RAB27A: variants seen among roughly 807,000 people sequenced by gnomAD.
The protein encoded by RAB27A is ras-related protein Rab-27A.
In RAB27A, 17 loss-of-function variants were observed where a neutral mutation model predicts 20.8. The observed-to-expected ratio is 0.82, with a 90% CI of 0.56 to 1.23. The LOEUF (loss-of-function observed/expected upper bound fraction) is 1.23. Among genes scored for constraint, RAB27A ranks in the 50% most tolerant of loss-of-function variants. The pLI is 0.00. For missense variants in RAB27A, 277 were observed against 266.7 expected (o/e 1.04, Z -0.27); for synonymous variants, 85 against 92.8 (o/e 0.92, Z 0.48).
chr15:55,229,259 T>C (rs1431047327), intron 4 of RAB27A, among the ~76,000 whole-genome samples: 4 of 152,120 alleles, frequency 2.6e-5, no homozygotes, highest in African/African-American at 7.2e-5. Context: ...CCTCTCGTCT[T>C]TGCCTATATG....
At chr15:55,221,154 C>T (rs891277242) in intron 6 of RAB27A, among the ~76,000 whole-genome samples, 1 of 152,102 alleles carries the variant, frequency 6.6e-6, no homozygotes, top group African/African-American at 2.4e-5. Context: ...AGACCGAGGG[C>T]ACAGGAAACA....
chr15:55,245,362 G>A (rs1017429387), intron 2 of RAB27A, among the ~76,000 whole-genome samples: 1 of 152,112 alleles, frequency 6.6e-6, no homozygotes, highest in Non-Finnish European at 1.5e-5. Context: ...AGCTCATCTT[G>A]TTTGTGCAAA....
intron 2 of RAB27A, among the ~76,000 whole-genome samples, chr15:55,252,757 C>A (rs1169862076): frequency 6.6e-6 from 1 of 152,140 alleles, no homozygotes; most frequent in East Asian, 1.9e-4. Context: ...GTTGCTTTAT[C>A]AAAAGCCAGA....
At chr15:55,274,411 A>G (rs1302163240) in intron 1 of RAB27A, among the ~76,000 whole-genome samples, 1 of 152,134 alleles carries the variant, frequency 6.6e-6, no homozygotes, top group Non-Finnish European at 1.5e-5. Context: ...CCAAAATGAA[A>G]TAGAGACCAA....
At chr15:55,255,885 G>C (rs1344430391) in intron 2 of RAB27A, among the ~76,000 whole-genome samples, 1 of 152,144 alleles carries the variant, frequency 6.6e-6, no homozygotes, top group Non-Finnish European at 1.5e-5. Flanking sequence ...AATCAAAAGT[G>C]AAAGGGGCTT....
chr15:55,243,837 G>T (rs1486832107), intron 2 of RAB27A, among the ~76,000 whole-genome samples: 3 of 152,122 alleles, frequency 2.0e-5, no homozygotes, highest in Non-Finnish European at 4.4e-5. Context: ...CCATGTCCCA[G>T]TCTAACTTCT....
chr15:55,210,151 G>A (rs1161809285), intron 6 of RAB27A, among the ~76,000 whole-genome samples: 2 of 97,728 alleles, frequency 2.0e-5, no homozygotes, highest in Non-Finnish European at 4.0e-5. Context: ...GTATGTGTAT[G>A]TATACATACA....
chr15:55,287,266 T>C (rs1898182183), intron 1 of RAB27A, among the ~76,000 whole-genome samples: 1 of 152,030 alleles, frequency 6.6e-6, no homozygotes, highest in Non-Finnish European at 1.5e-5. Flanking sequence ...TCAAGAGTGA[T>C]TTCAGGGTGT....
chr15:55,220,491 G>A (rs1895518772), intron 6 of RAB27A, among the ~76,000 whole-genome samples: 1 of 152,024 alleles, frequency 6.6e-6, no homozygotes, highest in Non-Finnish European at 1.5e-5. Context: ...GGCTGGTCTA[G>A]AACTCCTGAC....
chr15:55,222,151 G>A (rs1349326771), intron 6 of RAB27A, among the ~76,000 whole-genome samples: 1 of 151,982 alleles, frequency 6.6e-6, no homozygotes, highest in African/African-American at 2.4e-5. Context: ...AACCAATTAT[G>A]TCTGATGGTC....
intron 1 of RAB27A, among the ~76,000 whole-genome samples, chr15:55,280,566 T>G (rs1897990200): frequency 6.7e-6 from 1 of 150,332 alleles, no homozygotes; most frequent in Non-Finnish European, 1.5e-5. Flanking sequence ...TGTGCAGGCT[T>G]GATACATAGG....
chr15:55,297,108 T>C (rs921642391), intron 2 of RAB27A, among the ~76,000 whole-genome samples: 5 of 152,306 alleles, frequency 3.3e-5, no homozygotes, highest in South Asian at 2.1e-4. Flanking sequence ...GAGAAGTTCA[T>C]GTAAGCTACT....
At chr15:55,298,928 T>C (rs2054960445) in intron 2 of RAB27A, among the ~76,000 whole-genome samples, 1 of 152,230 alleles carries the variant, frequency 6.6e-6, no homozygotes, top group East Asian at 1.9e-4. Context: ...TCTCTCTTAA[T>C]CCCTGAACAA....
intron 2 of RAB27A, among the ~76,000 whole-genome samples, chr15:55,255,911 G>A (rs1897061344): frequency 6.6e-6 from 1 of 152,168 alleles, no homozygotes; most frequent in African/African-American, 2.4e-5. Context: ...CAAAAGACCT[G>A]AACTCTGCTA....
chr15:55,259,235 T>G (rs1897190000), intron 2 of RAB27A, among the ~76,000 whole-genome samples: 2 of 152,200 alleles, frequency 1.3e-5, no homozygotes, highest in Admixed American at 1.3e-4. Flanking sequence ...TTAGTGGCTC[T>G]TAATCTTAAA....
At chr15:55,255,750 C>G (rs532975432) in intron 2 of RAB27A, among the ~76,000 whole-genome samples, 2 of 152,260 alleles carry the variant, frequency 1.3e-5, no homozygotes, top group East Asian at 1.9e-4. Flanking sequence ...TCCAACTGCT[C>G]CCTTCAAGAA....
intron 1 of RAB27A, among the ~76,000 whole-genome samples, chr15:55,278,545 C>T (rs755324715): frequency 2.8e-4 from 42 of 150,400 alleles, no homozygotes; most frequent in Non-Finnish European, 4.6e-4. Context: ...TGCAGTGGCA[C>T]GATCTCAGCT....
intron 2 of RAB27A, among the ~76,000 whole-genome samples, chr15:55,245,246 T>TC (rs1896643022): frequency 6.6e-6 from 1 of 152,194 alleles, no homozygotes; most frequent in Non-Finnish European, 1.5e-5. Context: ...ACAGCCTATG[T>TC]CTTCCGTGCA....
At chr15:55,312,632 C>T (rs961771519) in intron 2 of RAB27A, among the ~76,000 whole-genome samples, 18 of 151,934 alleles carry the variant, frequency 1.2e-4, no homozygotes, top group African/African-American at 3.9e-4. Flanking sequence ...TTGTTTTCAA[C>T]GAATGCAATA....
Sources: allele counts gnomAD v4.1 joint callset (sites outside exome capture counted in the v4.1 genomes callset), GRCh38; gene constraint gnomAD v4.1.1; transcripts MANE v1.5; gene names NCBI Gene and HGNC (gene_info 2026-07-23, HGNC 2026-07-21).